Variants in NOMO1 observed in about 807,000 individuals in gnomAD.
The protein encoded by NOMO1 is NODAL modulator 1, also known as nodal modulator 3.
NOMO1 carries 40 observed loss-of-function variants against 133.8 expected under a neutral mutation model. The ratio of observed to expected loss-of-function variants is 0.30; its 90% CI spans 0.23 to 0.39. The LOEUF (loss-of-function observed/expected upper bound fraction) is 0.39, where lower values mean the gene tolerates loss of function less well. NOMO1 is among the 10% of genes least tolerant of loss of function. The pLI is 1.00. For synonymous variants in NOMO1, 236 were observed against 570.5 expected (o/e 0.41, Z 8.36); for missense variants, 462 against 1,419.9 (o/e 0.33, Z 10.84).
In NOMO1 at chr16:14,833,977, C is replaced by T. The variant is rs1963465173; in HGVS notation, c.126C>T (p.Phe42=). 1 of 522,752 alleles carries T rather than the reference C, an allele frequency of 1.9e-6. No individual in the cohort carries two copies. Among genetic ancestry groups the T allele is most frequent in the Non-Finnish European group, 2.8e-6 (1 of 357,448 alleles). The allele number at this position is 522,752 out of a possible 1,614,324, so 32.4% of individuals were successfully genotyped here. A position where few individuals can be genotyped will look rare whatever the true frequency, so the allele number is the denominator to read the frequency against. The stretch of plus-strand genomic sequence containing the variant: ...ACATCGTGGTGGGCTGCGGTGGCTT[C>T]GTCAAGTCGGACGTGGAGATCAACT... ...SEDIVVGCGG[F]VKSDVEINYS... is the part of the protein sequence containing the mutation. Residue 42 remains phenylalanine, a synonymous_variant, in exon 1 of 31, where the codon TTC becomes TTT. Transcript: ENST00000287667.
intron 23 of NOMO1, among the ~76,000 whole-genome samples, 188 bp from the exon 24 acceptor site, chr16:14,879,827 G>A (rs1377751072): frequency 1.3e-5 from 2 of 151,142 alleles, no homozygotes; most frequent in African/African-American, 2.4e-5. Context: ...ATCAGCTGCC[G>A]TTGTTAGAGT....
At chr16:14,846,764 T>G in intron 5 of NOMO1, 81 bp downstream of exon 5, 1 of 1,541,542 alleles carries the variant, frequency 6.5e-7, no homozygotes, top group South Asian at 1.2e-5. Context: ...GGAGTTTGGA[T>G]TCAGGGAGTT....
At chr16:14,876,576 A>C in intron 21 of NOMO1, 58 bp downstream of exon 21, 1 of 1,611,212 alleles carries the variant, frequency 6.2e-7, no homozygotes, top group East Asian at 2.2e-5. Context: ...CTCTGAAGAA[A>C]CTGGGGCCCA....
intron 29 of NOMO1, among the ~76,000 whole-genome samples, chr16:14,894,341 G>GGT (rs1488086294): frequency 6.6e-6 from 1 of 152,128 alleles, no homozygotes; most frequent in East Asian, 1.9e-4. Context: ...GTCCAGCCAG[G>GGT]GTGTGGCACT....
In NOMO1 at chr16:14,878,870, C is replaced by G. The variant is rs778672891; in HGVS notation, c.2757+36C>G. On this transcript the variant is annotated intron_variant, in intron 23 of 30. Transcript: ENST00000287667. ...CTGCAATTTACCACCTGCCTGTCTT[C>G]CCTGAGAGAGAGCCAGGATGCAGCA... The G allele has an allele frequency of 3.7e-6, 6 of 1,602,482 alleles. No homozygotes were observed. In the African/African-American group the frequency reaches 5.4e-5, roughly 14 times the overall value.
At chr16:14,855,590 G>A (rs1001354045) in intron 9 of NOMO1, among the ~76,000 whole-genome samples, 5 of 151,936 alleles carry the variant, frequency 3.3e-5, no homozygotes, top group African/African-American at 4.8e-5. Context: ...GTGTTTGACC[G>A]TTCTGCTGTA....
At chr16:14,836,638 C>A (rs1466888943) in intron 1 of NOMO1, among the ~76,000 whole-genome samples, 1 of 151,588 alleles carries the variant, frequency 6.6e-6, no homozygotes, top group Non-Finnish European at 1.5e-5. Flanking sequence ...CACTGTGTTG[C>A]CTTTTTCTTC....
At chr16:14,857,432 G>A in intron 10 of NOMO1, 73 bp from the exon 11 acceptor site, 1 of 1,580,154 alleles carries the variant, frequency 6.3e-7, no homozygotes. Context: ...TTTGGTCCAA[G>A]TATTCTGGTG....
chr16:14,891,904 A>C lies in NOMO1; in HGVS notation c.3444+2689A>C, dbSNP rs556018713. Among the ~76,000 whole-genome samples, 107 of 152,206 alleles carry C rather than the reference A, an allele frequency of 7.0e-4. 1 individual carries two copies. The highest frequency in any genetic ancestry group is 5.6e-3 in the Admixed American group (85 of 15,294). ...AAGAGAGTTTTTCTCATGACCCACG[A>C]GGAAACACTTCCTTGTTACTCACAG... is the stretch of plus-strand genomic sequence containing the variant. On this transcript the variant is annotated intron_variant, in intron 29 of 30. Transcript: ENST00000287667.
At chr16:14,842,893 A>C (rs1963626599) in intron 3 of NOMO1, among the ~76,000 whole-genome samples, 1 of 150,106 alleles carries the variant, frequency 6.7e-6, no homozygotes, top group South Asian at 2.1e-4. Context: ...ATAAATATAA[A>C]ATTATTTATA....
At chr16:14,839,281 C>G (rs1282571618) in intron 2 of NOMO1, among the ~76,000 whole-genome samples, 1 of 151,934 alleles carries the variant, frequency 6.6e-6, no homozygotes, top group Non-Finnish European at 1.5e-5. Flanking sequence ...GTCTCGAACT[C>G]CTGACCTCAA....
Position 14,866,733 on chromosome 16 carries a change from G to A in NOMO1, c.1806+42G>A, listed in dbSNP as rs370006563. ...GAGTCTCTTATTTGGAAAAGCGCTC[G>A]CCTTGTGGATGTCAAGAAAGACTAA... On this transcript the variant is annotated intron_variant, in intron 15 of 30. Coordinates refer to ENST00000287667, the MANE Select transcript of NOMO1 (RefSeq NM_014287.4). 103 of 1,609,602 alleles carry A rather than the reference G, an allele frequency of 6.4e-5. 3 individuals are homozygous for A. The highest frequency in any genetic ancestry group is 4.1e-4 in the African/African-American group (30 of 73,420).
chr16:14,876,509 G>C lies in NOMO1; in HGVS notation c.2507G>C (p.Gly836Ala), dbSNP rs1250985787. The C allele has an allele frequency of 1.2e-6, 2 of 1,611,416 alleles. No individual in the cohort carries two copies. The highest frequency in any genetic ancestry group is 1.7e-6 in the Non-Finnish European group (2 of 1,179,794). ...PLITVFTDDK[G>A]AYSVGPLHSD... ...ATCACAGTCTTTACTGATGACAAAG[G>C]TGCCTACAGGTGAGCCCGGGATAGA... Residue 836 changes from glycine to alanine, a missense_variant, in exon 21 of 31, where the codon GGT becomes GCT. Physicochemically the swap from Gly to Ala is moderately conservative, Grantham distance 60. Coordinates refer to ENST00000287667, the MANE Select transcript of NOMO1 (RefSeq NM_014287.4).
chr16:14,870,015 C>A (rs1964059320), intron 16 of NOMO1, among the ~76,000 whole-genome samples: 1 of 151,074 alleles, frequency 6.6e-6, no homozygotes, highest in Non-Finnish European at 1.5e-5. Context: ...CTGTTTGGTT[C>A]CCAAGATAAA....
chr16:14,845,586 C>G (rs1963668351), intron 4 of NOMO1, among the ~76,000 whole-genome samples: 1 of 151,970 alleles, frequency 6.6e-6, no homozygotes, highest in South Asian at 2.1e-4. Context: ...TCCCGCGATT[C>G]AGATTCTCAG....
rs1049726696 is a variant in NOMO1, at chr16:14,887,124, G to A, written c.3324+262G>A. 1.2e-4 allele frequency among the ~76,000 whole-genome samples: 18 copies of A among 152,182 alleles called. 1 individual carries two copies. Among genetic ancestry groups the A allele is most frequent in the Admixed American group, 9.8e-4 (15 of 15,286 alleles). The stretch of plus-strand genomic sequence containing the variant: ...ATCCAGAAATAGCCACTGCTAACAC[G>A]GTGATTGGTATCCTTTGGGTCTTTT... On this transcript the variant is annotated intron_variant, in intron 28 of 30. Transcript: ENST00000287667.
chr16:14,833,989 C>T lies in NOMO1; in HGVS notation c.138C>T (p.Asp46=). Residue 46 remains aspartate (D), a synonymous_variant, in exon 1 of 31, where the codon GAC becomes GAT. Transcript: ENST00000287667. ...GCTGCGGTGGCTTCGTCAAGTCGGACGTGGAGATCAACTACTCTCTCATCG... is the reference window on the plus strand; with the variant it reads ...GCTGCGGTGGCTTCGTCAAGTCGGATGTGGAGATCAACTACTCTCTCATCG... The part of the protein sequence containing the change: ...VVGCGGFVKS[D]VEINYSLIEI... 2.0e-6 allele frequency: 1 copy of T among 490,348 alleles called. No homozygotes were observed. Among genetic ancestry groups the T allele is most frequent in the East Asian group, 4.3e-5 (1 of 23,446 alleles). The allele number at this position is 490,348 out of a possible 1,614,324, so 30.4% of individuals were successfully genotyped here.
intron 26 of NOMO1, among the ~76,000 whole-genome samples, 180 bp downstream of exon 26, chr16:14,882,857 C>T (rs1235456317): frequency 1.3e-5 from 2 of 152,020 alleles, no homozygotes; most frequent in African/African-American, 4.8e-5. Context: ...TTTTAATGAA[C>T]AGCGTTGCTG....
At chr16:14,842,004 GGCACGTAATTA>G (rs1169276184) in intron 3 of NOMO1, among the ~76,000 whole-genome samples, 2 of 151,930 alleles carry the variant, frequency 1.3e-5, no homozygotes, top group African/African-American at 4.8e-5. Flanking sequence ...CAGAGGGGCT[GGCACGTAATTA>G]GCAAGTACTC....
Sources: allele counts gnomAD v4.1 joint callset (sites outside exome capture counted in the v4.1 genomes callset), GRCh38; gene constraint gnomAD v4.1.1; transcripts MANE v1.5; gene names NCBI Gene and HGNC (gene_info 2026-07-23, HGNC 2026-07-21).